Variants in MYO16 observed in about 807,000 individuals in gnomAD.
MYO16 encodes the protein myosin XVI, also known as unconventional myosin-XVI.
A neutral mutation model predicts 205.3 loss-of-function variants in MYO16; 94 were observed. That is an observed-to-expected ratio of 0.46 (90% CI 0.39 to 0.54). MYO16 has a LOEUF of 0.54. MYO16 is among the 20% of genes least tolerant of loss of function. The probability of loss-of-function intolerance (pLI) is 0.00; values close to 1 mark genes in which losing one functional copy is unlikely to be tolerated. For synonymous variants in MYO16, 988 were observed against 954.0 expected (o/e 1.04, Z -0.66); for missense variants, 2,315 against 2,387.5 (o/e 0.97, Z 0.63).
At chr13:109,119,808 T>TCTTTTA (rs1566515852) in intron 28 of MYO16, among the ~76,000 whole-genome samples, 4 of 152,244 alleles carry the variant, frequency 2.6e-5, no homozygotes, top group Non-Finnish European at 5.9e-5. Context: ...TGCTCAAAGA[T>TCTTTTA]GACTTTCTCA....
chr13:108,789,695 T>G (rs557563388), intron 5 of MYO16, among the ~76,000 whole-genome samples: 1 of 152,304 alleles, frequency 6.6e-6, no homozygotes, highest in Admixed American at 6.5e-5. Context: ...TGTGCATCTC[T>G]TAGAACACTT....
Position 109,126,562 on chromosome 13 carries a change from A to G in MYO16, c.3783-720A>G, listed in dbSNP as rs141813276. On this transcript the variant is annotated intron_variant, in intron 30 of 34. Transcript: ENST00000457511. ...AATATTTATTATTTTCTCTGCTGGA[A>G]CTAAACGGCCACCCCAATTTCTCAA... Among the ~76,000 whole-genome samples, 610 of 152,342 alleles carry G rather than the reference A, an allele frequency of 4.0e-3. 10 individuals carry two copies. The East Asian group carries it at 0.063, about 16-fold the overall frequency.
At chr13:109,045,045 C>T (rs1886996705) in intron 23 of MYO16, among the ~76,000 whole-genome samples, 1 of 152,168 alleles carries the variant, frequency 6.6e-6, no homozygotes, top group Non-Finnish European at 1.5e-5. Flanking sequence ...TGCATTTTTA[C>T]TCTCATTTTA....
At position 108,728,328 on chromosome 13, in the gene MYO16, G is replaced by T. The variant is rs114898364; in HGVS notation, c.507+745G>T. Among the ~76,000 whole-genome samples, 943 of 152,222 alleles carry T rather than the reference G, an allele frequency of 6.2e-3. 7 individuals are homozygous for T. The highest frequency in any genetic ancestry group is 0.021 in the African/African-American group (886 of 41,528). On this transcript the variant is annotated intron_variant, in intron 4 of 34. Coordinates refer to ENST00000457511, the MANE Select transcript of MYO16 (RefSeq NM_001198950.3). ...GATGCTCGAATATATTAAACAACTTGCCGTAAGCCAAAAGCAAACTATAGC... is the reference window on the plus strand; with the variant it reads ...GATGCTCGAATATATTAAACAACTTTCCGTAAGCCAAAAGCAAACTATAGC...
intron 1 of MYO16, among the ~76,000 whole-genome samples, chr13:108,640,760 G>A (rs955964042): frequency 6.6e-6 from 1 of 152,140 alleles, no homozygotes; most frequent in African/African-American, 2.4e-5. Flanking sequence ...ATCCTACAAT[G>A]GTTTGAGAAA....
In MYO16 at chr13:108,844,362, A is replaced by G; in HGVS notation, c.1117A>G (p.Ile373Val). ...CTGTAGCAGTCCCCTGGTGTTACCA[A>G]TTGCCAAGCAAGACAGTTTGTTGGA... ...SSKLSPLVLP[I>V]AKQDSLLEKD... The change falls in exon 10 of 35, where the codon ATT (isoleucine) becomes GTT (valine). Residue 373 changes from isoleucine to valine, a missense_variant. Coordinates refer to ENST00000457511, the MANE Select transcript of MYO16 (RefSeq NM_001198950.3). 3 of 1,612,956 alleles carry G rather than the reference A, an allele frequency of 1.9e-6. No individual in the cohort carries two copies. Among genetic ancestry groups the G allele is most frequent in the Middle Eastern group, 1.7e-4 (1 of 6,050 alleles).
chr13:108,648,902 TTC>T (rs143168978), intron 1 of MYO16, among the ~76,000 whole-genome samples: 266 of 147,800 alleles, frequency 1.8e-3, no homozygotes, highest in Non-Finnish European at 1.9e-3. Context: ...TCCATTCTAA[TTC>T]TCTCTCTCTC....
chr13:108,861,632 C>T (rs1878453602), intron 11 of MYO16, among the ~76,000 whole-genome samples: 1 of 152,142 alleles, frequency 6.6e-6, no homozygotes, highest in African/African-American at 2.4e-5. Flanking sequence ...AAGAGTTTTT[C>T]AAATTCCAGC....
rs111572319 is a variant in MYO16, at chr13:108,652,713, T to G, written c.29-13173T>G. On this transcript the variant is annotated intron_variant, in intron 1 of 34. Transcript: ENST00000457511. ...AAGTGTCTTCAATATCCATCCATGT[T>G]GTGGCATGTACAAGAACCTCTTCCA... Among the ~76,000 whole-genome samples the G allele has an allele frequency of 2.9e-4, 44 of 152,324 alleles. 3 individuals are homozygous for G. The highest frequency in any genetic ancestry group is 1.0e-3 in the African/African-American group (43 of 41,572).
intron 11 of MYO16, among the ~76,000 whole-genome samples, chr13:108,861,782 T>C (rs1453091713): frequency 6.6e-6 from 1 of 152,202 alleles, no homozygotes; most frequent in Non-Finnish European, 1.5e-5. Flanking sequence ...TATAGTGCCA[T>C]TAAAATTGGG....
At chr13:109,122,423 A>G (rs113406341) in intron 29 of MYO16, among the ~76,000 whole-genome samples, 17,548 of 152,240 alleles carry the variant, frequency 0.12, 1,281 homozygotes, top group Middle Eastern at 0.19. Context: ...TCACGCCTGT[A>G]TTCTCAGCAC....
At chr13:108,556,394 CT>C in the MYO16 span, among the ~76,000 whole-genome samples, 16 of 151,638 alleles carry the variant, frequency 1.1e-4, no homozygotes, top group Admixed American at 2.0e-4. Flanking sequence ...GAGTTTGAGC[CT>C]TTTTTTTGTA....
intron 10 of MYO16, among the ~76,000 whole-genome samples, chr13:108,845,505 G>C (rs1877473994): frequency 6.6e-6 from 1 of 152,064 alleles, no homozygotes; most frequent in Non-Finnish European, 1.5e-5. Flanking sequence ...GGAGGAAGAG[G>C]CAGGGAGGAG....
At chr13:108,931,166 A>G (rs571453651) in intron 16 of MYO16, among the ~76,000 whole-genome samples, 116 of 152,318 alleles carry the variant, frequency 7.6e-4, no homozygotes, top group African/African-American at 2.6e-3. Context: ...CATATGATTC[A>G]TATTTAAAGT....
At chr13:108,881,044 C>T (rs935838106) in intron 12 of MYO16, among the ~76,000 whole-genome samples, 2 of 152,150 alleles carry the variant, frequency 1.3e-5, no homozygotes, top group African/African-American at 2.4e-5. Context: ...CTCCCAGTAG[C>T]GGATGACTGA....
intron 31 of MYO16, among the ~76,000 whole-genome samples, chr13:109,128,052 C>T (rs1438109657): frequency 6.6e-6 from 1 of 152,176 alleles, no homozygotes; most frequent in Non-Finnish European, 1.5e-5. Context: ...AACAGGGATG[C>T]TCAAAAGGGA....
intron 14 of MYO16, among the ~76,000 whole-genome samples, chr13:108,892,691 C>T (rs1281626101): frequency 3.9e-5 from 6 of 152,022 alleles, no homozygotes; most frequent in South Asian, 4.2e-4. Flanking sequence ...AGTTAACTAA[C>T]GGAAATAACA....
At chr13:108,753,723 A>T (rs902573396) in intron 4 of MYO16, among the ~76,000 whole-genome samples, 49 of 152,206 alleles carry the variant, frequency 3.2e-4, no homozygotes, top group African/African-American at 1.2e-3. Context: ...ATTTCTAAAA[A>T]TAAATTCTTT....
intron 21 of MYO16, among the ~76,000 whole-genome samples, chr13:109,000,024 AT>A (rs1885161535): frequency 6.6e-6 from 1 of 152,330 alleles, no homozygotes; most frequent in Non-Finnish European, 1.5e-5. Flanking sequence ...ATGGAGGTGT[AT>A]CTTTTTCATT....
Sources: allele counts gnomAD v4.1 joint callset (sites outside exome capture counted in the v4.1 genomes callset), GRCh38; gene constraint gnomAD v4.1.1; transcripts MANE v1.5; gene names NCBI Gene and HGNC (gene_info 2026-07-23, HGNC 2026-07-21).